MEGF10: variants seen among roughly 807,000 people sequenced by gnomAD.
MEGF10 encodes the protein multiple EGF like domains 10.
A neutral mutation model predicts 147.5 loss-of-function variants in MEGF10; 86 were observed. The observed-to-expected ratio is 0.58, with a 90% CI of 0.49 to 0.70. The LOEUF is 0.70. Among genes scored for constraint, MEGF10 ranks in the 30% least tolerant of loss-of-function variants. The pLI is 0.00. For synonymous variants in MEGF10, 478 were observed against 525.5 expected (o/e 0.91, Z 1.24); for missense variants, 1,329 against 1,487.3 (o/e 0.89, Z 1.75).
intron 2 of MEGF10, among the ~76,000 whole-genome samples, chr5:127,336,697 C>G (rs1332060234): frequency 6.6e-6 from 1 of 152,072 alleles, no homozygotes; most frequent in Non-Finnish European, 1.5e-5. Flanking sequence ...TTGAAATTTT[C>G]TGGAAACTCT....
At chr5:127,405,420 A>G (rs182301179) in intron 8 of MEGF10, among the ~76,000 whole-genome samples, 2 of 152,166 alleles carry the variant, frequency 1.3e-5, no homozygotes. Context: ...GTAATTGGAT[A>G]TTTCTGGTTG....
intron 2 of MEGF10, among the ~76,000 whole-genome samples, chr5:127,338,039 C>G (rs564363373): frequency 6.6e-6 from 1 of 152,212 alleles, no homozygotes; most frequent in African/African-American, 2.4e-5. Context: ...CAGAGACCAG[C>G]TGCAGAAAGA....
At chr5:127,334,518 G>T (rs530531784) in intron 2 of MEGF10, among the ~76,000 whole-genome samples, 1 of 152,260 alleles carries the variant, frequency 6.6e-6, no homozygotes, top group African/African-American at 2.4e-5. Context: ...TATTTATTTT[G>T]AAATAGAGAT....
In MEGF10 at chr5:127,294,762, G is replaced by A. The variant is rs369047241; in HGVS notation, c.-19+3706G>A. Among the ~76,000 whole-genome samples, 11 of 150,808 alleles carry A rather than the reference G, an allele frequency of 7.3e-5. 1 individual carries two copies. The highest frequency in any genetic ancestry group is 4.6e-4 in the Admixed American group (7 of 15,110). On this transcript the variant is annotated intron_variant, in intron 1 of 24. Coordinates refer to ENST00000503335, the MANE Select transcript of MEGF10 (RefSeq NM_001256545.2). Reference sequence around the variant, plus strand: ...TGCAGTGAGCTGAGATCGCGACACTGCACTCCAGCCTGGGTGACAGAGTGA... The same window carrying A: ...TGCAGTGAGCTGAGATCGCGACACTACACTCCAGCCTGGGTGACAGAGTGA...
the MEGF10 span, among the ~76,000 whole-genome samples, chr5:127,267,583 A>C: frequency 1.0e-3 from 154 of 152,288 alleles, no homozygotes; most frequent in Non-Finnish European, 1.9e-3. Flanking sequence ...GCTATTAATT[A>C]TTGCCTCAAT....
At chr5:127,388,631 C>T (rs1013548295) in intron 5 of MEGF10, among the ~76,000 whole-genome samples, 29 of 151,582 alleles carry the variant, frequency 1.9e-4, no homozygotes, top group Middle Eastern at 3.2e-3. Flanking sequence ...CTGCAAACTC[C>T]GCCTCCTGGG....
chr5:127,288,796 A>G (rs1759111460), upstream of MEGF10, among the ~76,000 whole-genome samples: 1 of 152,268 alleles, frequency 6.6e-6, no homozygotes, highest in Admixed American at 6.5e-5. Flanking sequence ...AGCTTTATTC[A>G]TAATAACCCC....
chr5:127,246,950 TAATA>T, the MEGF10 span, among the ~76,000 whole-genome samples: 3 of 113,904 alleles, frequency 2.6e-5, no homozygotes, highest in African/African-American at 3.6e-5. Context: ...ATATTATATA[TAATA>T]AATAATATAT....
intron 1 of MEGF10, among the ~76,000 whole-genome samples, chr5:127,317,279 G>A (rs553693496): frequency 2.0e-5 from 3 of 152,238 alleles, no homozygotes; most frequent in South Asian, 2.1e-4. Flanking sequence ...CTGCGTGTCC[G>A]CTCTGATGGT....
In MEGF10 at chr5:127,449,221, C is replaced by T. The variant is rs755117629; in HGVS notation, c.2979C>T (p.Leu993=). ...AACATGGCGGCTACCTCAACGAGCT[C>T]GGTGAGTTCTCCCAACGCACGTCCC... is the stretch of plus-strand genomic sequence containing the variant. The part of the protein sequence containing the change: ...DWKHGGYLNE[L]GAFGLDRSYM... Residue 993 remains leucine, a splice_region_variant and synonymous_variant, in exon 22 of 25, where the codon CTC becomes CTT. Coordinates refer to ENST00000503335, the MANE Select transcript of MEGF10 (RefSeq NM_001256545.2). 6.8e-6 allele frequency: 11 copies of T among 1,613,456 alleles called. No homozygotes were observed. The highest frequency in any genetic ancestry group is 2.2e-5 in the South Asian group (2 of 91,022).
At chr5:127,284,650 T>C in the MEGF10 span, among the ~76,000 whole-genome samples, 1 of 151,938 alleles carries the variant, frequency 6.6e-6, no homozygotes, top group Non-Finnish European at 1.5e-5. Context: ...GGAATAATTA[T>C]ACATGCCTCT....
chr5:127,339,882 C>A (rs537354461), intron 3 of MEGF10, among the ~76,000 whole-genome samples: 1 of 152,158 alleles, frequency 6.6e-6, no homozygotes, highest in African/African-American at 2.4e-5. Flanking sequence ...ACATTCTATT[C>A]CCTGACTCAG....
intron 1 of MEGF10, among the ~76,000 whole-genome samples, 152 bp downstream of exon 1, chr5:127,291,208 C>G (rs1279390312): frequency 6.6e-6 from 1 of 152,142 alleles, no homozygotes. Context: ...GTTGTTCATG[C>G]GCTTCTTAAG....
intron 1 of MEGF10, among the ~76,000 whole-genome samples, chr5:127,310,038 CTTTCTTTA>C (rs1181944725): frequency 0.014 from 624 of 44,510 alleles, 166 homozygotes; most frequent in Middle Eastern, 0.081. Context: ...TTCTTTCCTT[CTTTCTTTA>C]TTTCTTTCTT....
the MEGF10 span, among the ~76,000 whole-genome samples, chr5:127,265,598 T>C: frequency 3.9e-5 from 6 of 152,214 alleles, no homozygotes; most frequent in African/African-American, 1.4e-4. Context: ...CCTGACTTTT[T>C]AATGATCGCC....
At chr5:127,261,213 A>G in the MEGF10 span, among the ~76,000 whole-genome samples, 3 of 152,144 alleles carry the variant, frequency 2.0e-5, no homozygotes, top group African/African-American at 7.2e-5. Flanking sequence ...TTACCTCCAA[A>G]AAGAAATCCC....
intron 5 of MEGF10, among the ~76,000 whole-genome samples, chr5:127,388,144 A>G (rs1451366136): frequency 6.6e-6 from 1 of 152,116 alleles, no homozygotes; most frequent in Non-Finnish European, 1.5e-5. Flanking sequence ...TTGTTTGTAT[A>G]GTATTATCAT....
At chr5:127,304,861 G>C (rs577492046) in intron 1 of MEGF10, among the ~76,000 whole-genome samples, 1 of 152,270 alleles carries the variant, frequency 6.6e-6, no homozygotes, top group South Asian at 2.1e-4. Flanking sequence ...GATTGAGAAA[G>C]AGAGCCCTTA....
the MEGF10 span, among the ~76,000 whole-genome samples, chr5:127,234,674 T>C: frequency 6.6e-6 from 1 of 152,360 alleles, no homozygotes; most frequent in Admixed American, 6.5e-5. Flanking sequence ...GAATTGATTA[T>C]ATTTAGGGAT....
Sources: allele counts gnomAD v4.1 joint callset (sites outside exome capture counted in the v4.1 genomes callset), GRCh38; gene constraint gnomAD v4.1.1; transcripts MANE v1.5; gene names NCBI Gene and HGNC (gene_info 2026-07-23, HGNC 2026-07-21).